Variants in ENOX1 observed in about 807,000 individuals in gnomAD.
The protein encoded by ENOX1 is ecto-NOX disulfide-thiol exchanger 1.
ENOX1 carries 42 observed loss-of-function variants against 82.5 expected under a neutral mutation model. The ratio of observed to expected loss-of-function variants is 0.51; its 90% CI spans 0.40 to 0.66. The LOEUF (loss-of-function observed/expected upper bound fraction) is 0.66, where lower values mean the gene tolerates loss of function less well. Ranked by LOEUF, ENOX1 falls within the 30% of genes least tolerant of loss-of-function variation. The pLI is 0.00. For synonymous variants in ENOX1, 271 were observed against 282.2 expected (o/e 0.96, Z 0.40); for missense variants, 608 against 811.6 (o/e 0.75, Z 3.05).
At chr13:43,312,821 A>T (rs192723265) in intron 11 of ENOX1, among the ~76,000 whole-genome samples, 28 of 152,232 alleles carry the variant, frequency 1.8e-4, no homozygotes, top group African/African-American at 6.7e-4. Flanking sequence ...TGCGTTGCCT[A>T]TATTGAAGCA....
chr13:43,616,098 ATATAGATAGATATCTATAGATC>A (rs1566640198), intron 2 of ENOX1, among the ~76,000 whole-genome samples: 10 of 43,800 alleles, frequency 2.3e-4, no homozygotes, highest in African/African-American at 4.1e-4. Context: ...ATATATATCT[ATATAGATAGATATCTATAGATC>A]TATAGATATC....
chr13:43,706,956 T>C (rs751787347), intron 1 of ENOX1, among the ~76,000 whole-genome samples: 1 of 152,036 alleles, frequency 6.6e-6, no homozygotes, highest in Non-Finnish European at 1.5e-5. Flanking sequence ...AAAACTGTTT[T>C]TTGCCCCCAC....
intron 1 of ENOX1, among the ~76,000 whole-genome samples, chr13:43,674,486 G>C (rs1395585175): frequency 6.6e-6 from 1 of 152,124 alleles, no homozygotes; most frequent in Non-Finnish European, 1.5e-5. Context: ...AGTCTGAAAA[G>C]GCCGCATACT....
At chr13:43,595,417 T>C (rs1460238948) in intron 2 of ENOX1, among the ~76,000 whole-genome samples, 3 of 152,030 alleles carry the variant, frequency 2.0e-5, no homozygotes, top group Non-Finnish European at 4.4e-5. Context: ...ATTTTATTTC[T>C]TTTTTTTATT....
At chr13:43,321,800 A>T (rs1225677711) in intron 11 of ENOX1, among the ~76,000 whole-genome samples, 1 of 152,212 alleles carries the variant, frequency 6.6e-6, no homozygotes, top group Non-Finnish European at 1.5e-5. Flanking sequence ...ATGGATTTAT[A>T]TATAATTCAA....
chr13:43,785,540 T>C (rs1359746346), intron 1 of ENOX1, among the ~76,000 whole-genome samples: 1 of 152,292 alleles, frequency 6.6e-6, no homozygotes, highest in South Asian at 2.1e-4. Flanking sequence ...CTTAACAAAA[T>C]TGGGATTACA....
rs575861131 is a variant in ENOX1, at chr13:43,327,498, A to G, written c.1037-973T>C. On this transcript the variant is annotated intron_variant, in intron 9 of 16. Coordinates refer to ENST00000690772, the MANE Select transcript of ENOX1 (RefSeq NM_001347969.2). ...ACTGTAGACTTAATCTTGCTTAAAC[A>G]GTTATTGATCCAGTAAGCATGAGAT... is the stretch of plus-strand genomic sequence containing the variant. Among the ~76,000 whole-genome samples the G allele has an allele frequency of 3.3e-5, 5 of 152,368 alleles. No individual in the cohort carries two copies. In the East Asian group the frequency reaches 9.6e-4, roughly 29 times the overall value.
chr13:43,770,967 A>C (rs1441725876), intron 1 of ENOX1, among the ~76,000 whole-genome samples: 1 of 152,140 alleles, frequency 6.6e-6, no homozygotes, highest in African/African-American at 2.4e-5. Flanking sequence ...GAAAAAAAAA[A>C]TCAAGAAAAC....
At chr13:43,362,156 TACAC>T (rs10531058) in intron 5 of ENOX1, among the ~76,000 whole-genome samples, 43,742 of 145,618 alleles carry the variant, frequency 0.3, 7,656 homozygotes, top group Non-Finnish European at 0.4. Context: ...TGCCCTGTAT[TACAC>T]ACACACACAC....
At chr13:43,728,512 C>G (rs2089132262) in intron 1 of ENOX1, among the ~76,000 whole-genome samples, 1 of 152,152 alleles carries the variant, frequency 6.6e-6, no homozygotes, top group Non-Finnish European at 1.5e-5. Flanking sequence ...CCTCAGTGAA[C>G]ATTTAGAGAG....
chr13:43,358,145 G>A (rs2050266266), intron 7 of ENOX1, among the ~76,000 whole-genome samples: 1 of 152,162 alleles, frequency 6.6e-6, no homozygotes, highest in Admixed American at 6.5e-5. Flanking sequence ...CCTTTCATAT[G>A]CCTAAATTTG....
At chr13:43,391,865 T>C (rs185874395) in intron 5 of ENOX1, among the ~76,000 whole-genome samples, 87 of 152,324 alleles carry the variant, frequency 5.7e-4, no homozygotes, top group African/African-American at 2.0e-3. Context: ...TTTCAGGGAA[T>C]GAATAAATAA....
chr13:43,579,900 C>T (rs1393996604), intron 2 of ENOX1, among the ~76,000 whole-genome samples: 1 of 152,164 alleles, frequency 6.6e-6, no homozygotes, highest in African/African-American at 2.4e-5. Flanking sequence ...ACTGACATTT[C>T]CCAAAGTGGT....
chr13:43,421,470 T>A (rs984928330), intron 3 of ENOX1, among the ~76,000 whole-genome samples: 11 of 152,200 alleles, frequency 7.2e-5, no homozygotes, highest in African/African-American at 2.7e-4. Flanking sequence ...AATGGAGTTA[T>A]GTCCCAAAAG....
At chr13:43,547,131 C>A (rs928649207) in intron 2 of ENOX1, 5 of 152,238 alleles carry the variant, frequency 3.3e-5, no homozygotes, top group Non-Finnish European at 5.9e-5. Context: ...CCTCTTGCCT[C>A]TGAACTGGAT....
rs1009925613 is a variant in ENOX1 at position 43,389,780 on chromosome 13, C to G, written c.208+22136G>C. ...GGTTGGAATTTCACAAGGCTAAATA[C>G]AGTCATCTTGTTTAAGTGAAAATAT... On this transcript the variant is annotated intron_variant, in intron 5 of 16. Transcript: ENST00000690772. Among the ~76,000 whole-genome samples the G allele has an allele frequency of 2.6e-5, 4 of 152,134 alleles. No homozygotes were observed. In the South Asian group the frequency reaches 8.3e-4, roughly 32 times the overall value.
intron 2 of ENOX1, among the ~76,000 whole-genome samples, chr13:43,489,709 A>G (rs2076555030): frequency 6.6e-6 from 1 of 152,192 alleles, no homozygotes; most frequent in Admixed American, 6.5e-5. Flanking sequence ...GAGCTGCTTC[A>G]TGGGCTATGC....
chr13:43,274,855 G>A (rs981093794), intron 12 of ENOX1, among the ~76,000 whole-genome samples: 1 of 152,178 alleles, frequency 6.6e-6, no homozygotes, highest in South Asian at 2.1e-4. Context: ...GCTCTTTGGG[G>A]ATGCAGACTT....
At chr13:43,771,695 A>G (rs1247148619) in intron 1 of ENOX1, among the ~76,000 whole-genome samples, 1 of 152,186 alleles carries the variant, frequency 6.6e-6, no homozygotes, top group Non-Finnish European at 1.5e-5. Flanking sequence ...ATTTTTTACC[A>G]GAGTTTGTAG....
Sources: gnomAD v4.1 joint callset for allele counts (sites outside exome capture counted in the v4.1 genomes callset) on GRCh38, gnomAD v4.1.1 for gene constraint, MANE v1.5 for transcripts, NCBI Gene and HGNC (gene_info 2026-07-23, HGNC 2026-07-21) for gene names.